Variants in FOXO3B observed in about 807,000 individuals in gnomAD.
FOXO3B encodes forkhead box protein O3B.
In FOXO3B, 15 loss-of-function variants were observed where a neutral mutation model predicts 21.9. The observed-to-expected ratio is 0.68, with a 90% confidence interval of 0.46 to 1.05. The LOEUF is 1.05. FOXO3B is among the 50% of genes least tolerant of loss of function. The pLI, the probability that FOXO3B is intolerant of heterozygous loss-of-function variation, is 0.00. For missense variants in FOXO3B, 293 were observed against 435.5 expected, an observed-to-expected ratio of 0.67 and a Z score of 2.91; for synonymous variants, 135 against 213.6, an observed-to-expected ratio of 0.63 and a Z score of 3.21.
chr17:18,674,905 A>G (rs1312784285), intron 3 of FOXO3B, among the ~76,000 whole-genome samples: 1 of 152,194 alleles, frequency 6.6e-6, no homozygotes, highest in Admixed American at 6.5e-5. Context: ...CATTTACATA[A>G]AAAGCTTGCC....
intron 3 of FOXO3B, among the ~76,000 whole-genome samples, chr17:18,676,263 T>C (rs1034945796): frequency 6.6e-6 from 1 of 152,236 alleles, no homozygotes; most frequent in Non-Finnish European, 1.5e-5. Context: ...ACTCAACTGT[T>C]GGCAGTTCCT....
intron 3 of FOXO3B, among the ~76,000 whole-genome samples, chr17:18,674,622 T>A: frequency 9.7e-6 from 1 of 102,692 alleles, no homozygotes; most frequent in South Asian, 3.5e-4. Flanking sequence ...CGAGACTCCA[T>A]CTCAAAAAAA....
In FOXO3B at chr17:18,672,234, G is replaced by A. The variant is rs2032382853; in HGVS notation, c.*75C>T. The A allele has an allele frequency of 6.2e-7, 1 of 1,612,944 alleles. No individual in the cohort carries two copies. The highest frequency in any genetic ancestry group is 1.1e-5 in the South Asian group (1 of 90,994). On this transcript the variant is annotated 3_prime_UTR_variant, in exon 4 of 4. Transcript: ENST00000395675. This position sits in a 1 kb window ranked among gnomAD's most constrained non-coding sequence, Gnocchi z 4.2. ...CATCAGGGTTGATGATCCACCAAGAGCTCTTGCCAGTTCCCTCATTCTGGA... is the reference window on the plus strand; with the variant it reads ...CATCAGGGTTGATGATCCACCAAGAACTCTTGCCAGTTCCCTCATTCTGGA...
In FOXO3B at chr17:18,668,961, T is replaced by C. The variant is rs2032315715; in HGVS notation, c.*3348A>G. 6.6e-6 allele frequency: 1 copy of C among 152,322 alleles called. No homozygotes were observed. Among genetic ancestry groups the C allele is most frequent in the Non-Finnish European group, 1.5e-5 (1 of 68,024 alleles). 9.4% of individuals were successfully genotyped at this position (152,322 alleles called of 1,614,324 possible). A position where few individuals can be genotyped will look rare whatever the true frequency, so the allele number is the denominator to read the frequency against. On this transcript the variant is annotated 3_prime_UTR_variant, in exon 4 of 4. Transcript: ENST00000395675. ...TAAAAAATTATACATACTTTAAAAATGAAGATTATAAACATGTAGCAGTTT... is the reference window on the plus strand; with the variant it reads ...TAAAAAATTATACATACTTTAAAAACGAAGATTATAAACATGTAGCAGTTT...
In FOXO3B at chr17:18,671,884, T is replaced by A. The variant is rs2032372665; in HGVS notation, c.*425A>T. ...AGGTGACAGGCTCGCTGAGCTGCTGTAGAGCATGGGCGAGAGAGGCGCATC... is the reference window on the plus strand; with the variant it reads ...AGGTGACAGGCTCGCTGAGCTGCTGAAGAGCATGGGCGAGAGAGGCGCATC... On this transcript the variant is annotated 3_prime_UTR_variant, in exon 4 of 4. Transcript: ENST00000395675. 6.2e-7 allele frequency: 1 copy of A among 1,613,464 alleles called. No individual in the cohort carries two copies.
At position 18,676,049 on chromosome 17, in the gene FOXO3B, T is replaced by A. The variant is rs115919230; in HGVS notation, c.127-2994A>T. 3.9e-5 allele frequency among the ~76,000 whole-genome samples: 6 copies of A among 152,188 alleles called. No homozygotes were observed. In the East Asian group the frequency reaches 5.8e-4, roughly 15 times the overall value. On this transcript the variant is annotated intron_variant, in intron 3 of 3. Coordinates refer to ENST00000395675, the MANE Select transcript of FOXO3B (RefSeq NM_001368135.1). ...GTCATAGATTAGTACCTAAAATACA[T>A]GAAGAACTCCACCAAATCAAGAGAA...
chr17:18,678,580 G>GA (rs532587298), intron 3 of FOXO3B, among the ~76,000 whole-genome samples: 2 of 151,628 alleles, frequency 1.3e-5, no homozygotes, highest in Admixed American at 6.6e-5. Flanking sequence ...ATTCTAACAA[G>GA]AAAAAAAGCT....
intron 3 of FOXO3B, 142 bp from the exon 4 acceptor site, chr17:18,673,197 AAC>A (rs2032414256): frequency 6.4e-5 from 77 of 1,198,394 alleles, no homozygotes; most frequent in Non-Finnish European, 8.0e-5. Flanking sequence ...ACTTCTTAAT[AAC>A]ACTTTTTGTT....
rs754601735 is a variant in FOXO3B at position 18,680,761 on chromosome 17, G to A, written c.106C>T (p.Arg36Cys). Residue 36 changes from arginine (R) to cysteine (C), a missense_variant, in exon 3 of 4, where the codon CGC becomes TGC. Arg to Cys is a radical substitution (Grantham distance 180). Transcript: ENST00000395675. The part of the protein sequence containing the change: ...STEEGEVAAL[R>C]LTARSQAAAA... ...CTCACCTGGGATCTGGCCGTGAGGC[G>A]CAGAGCAGCCACTTCTCCCTCTTCT... The A allele has an allele frequency of 6.2e-6, 10 of 1,613,760 alleles. No individual in the cohort carries two copies. The highest frequency in any genetic ancestry group is 4.5e-5 in the East Asian group (2 of 44,896).
In FOXO3B at chr17:18,668,080, C is replaced by T. The variant is rs534389033; in HGVS notation, c.*4229G>A. The T allele has an allele frequency of 6.6e-6, 1 of 152,476 alleles. No individual in the cohort carries two copies. The highest frequency in any genetic ancestry group is 6.5e-5 in the Admixed American group (1 of 15,310). 9.4% of individuals were successfully genotyped at this position (152,476 alleles called of 1,614,324 possible). A position where few individuals can be genotyped will look rare whatever the true frequency, so the allele number is the denominator to read the frequency against. On this transcript the variant is annotated 3_prime_UTR_variant, in exon 4 of 4. Coordinates refer to ENST00000395675, the MANE Select transcript of FOXO3B (RefSeq NM_001368135.1). ...GCTCTGGCAGCACCCCTGCCCACTT[C>T]AGAACCGGGCTAGTCTCTGGGGCCC...
chr17:18,677,439 A>G, intron 3 of FOXO3B: 1 of 1,614,126 alleles, frequency 6.2e-7, no homozygotes, highest in Non-Finnish European at 8.5e-7. Flanking sequence ...GCTGACCATC[A>G]AGTGCCTGCT....
intron 3 of FOXO3B, among the ~76,000 whole-genome samples, chr17:18,679,770 T>G (rs1397792386): frequency 6.6e-6 from 1 of 151,378 alleles, no homozygotes; most frequent in Non-Finnish European, 1.5e-5. Flanking sequence ...AATAAAAGTT[T>G]CAAACATACA....
Position 18,671,174 on chromosome 17 carries a change from C to G in FOXO3B, c.*1135G>C. 1 of 941,810 alleles carries G rather than the reference C, an allele frequency of 1.1e-6. No individual in the cohort carries two copies. Among genetic ancestry groups the G allele is most frequent in the Non-Finnish European group, 1.7e-6 (1 of 576,566 alleles). The allele number at this position is 941,810 out of a possible 1,614,324, so 58.3% of individuals were successfully genotyped here. A position where few individuals can be genotyped will look rare whatever the true frequency, so the allele number is the denominator to read the frequency against. On this transcript the variant is annotated 3_prime_UTR_variant, in exon 4 of 4. Transcript: ENST00000395675. ...ACAAGGAGGAGCCTGAGAGAGAGTC[C>G]GAGAGGGTTTGCATAGACTGGCTGA...
chr17:18,676,815 C>T (rs1468771427), intron 3 of FOXO3B, among the ~76,000 whole-genome samples: 2 of 152,040 alleles, frequency 1.3e-5, no homozygotes, highest in Non-Finnish European at 2.9e-5. Context: ...ATTCTCCTGC[C>T]TCAGCCTCCC....
At chr17:18,678,366 T>A (rs1255046546) in intron 3 of FOXO3B, among the ~76,000 whole-genome samples, 1 of 152,146 alleles carries the variant, frequency 6.6e-6, no homozygotes, top group Non-Finnish European at 1.5e-5. Flanking sequence ...GTATACCATA[T>A]GTCTGAATAC....
rs760847203 is a variant in FOXO3B at position 18,672,876 on chromosome 17, C to A, written c.306G>T (p.Glu102Asp). The A allele has an allele frequency of 7.7e-6, 12 of 1,561,278 alleles. No homozygotes were observed. The highest frequency in any genetic ancestry group is 4.6e-4 in the Middle Eastern group (2 of 4,380). The change falls in exon 4 of 4, where the codon GAG becomes GAT. Residue 102 changes from glutamate to aspartate, a missense_variant. Around this residue, in one of 2 missense-constraint regions of FOXO3B, gnomAD observed 251 missense variants for 404.0 expected, o/e 0.62. Coordinates refer to ENST00000395675, the MANE Select transcript of FOXO3B (RefSeq NM_001368135.1). The surrounding 1 kb of genome is among the most constrained non-coding windows in gnomAD (Gnocchi z 4.2). ...SPAPLSPLEV[E>D]LDPEFEPQSR... is the part of the protein sequence containing the mutation. ...TCTGGGGCTCGAACTCCGGGTCCAGCTCCACTTCGAGCGGAGAAAGCGGGG... is the reference window on the plus strand; with the variant it reads ...TCTGGGGCTCGAACTCCGGGTCCAGATCCACTTCGAGCGGAGAAAGCGGGG...
Position 18,674,642 on chromosome 17 carries a change from G to C in FOXO3B, c.127-1587C>G, listed in dbSNP as rs368674288. On this transcript the variant is annotated intron_variant, in intron 3 of 3. Transcript: ENST00000395675. ...CTCCATCTCAAAAAAAAAAAAAAGG[G>C]GGGGGGGAGATTACAGACAAATGCA... Among the ~76,000 whole-genome samples, 123 of 146,326 alleles carry C rather than the reference G, an allele frequency of 8.4e-4. 2 individuals are homozygous for C. The East Asian group carries it at 0.017, about 20-fold the overall frequency.
At position 18,672,381 on chromosome 17, in the gene FOXO3B, C is replaced by T; in HGVS notation, c.801G>A (p.Gln267=). Residue 267 remains glutamine (Q), a synonymous_variant, in exon 4 of 4, where the codon CAG becomes CAA. Transcript: ENST00000395675. The surrounding 1 kb of genome is among the most constrained non-coding windows in gnomAD (Gnocchi z 4.2). ...SSPDRRLTLS[Q]IYEWMVSCVP... ...CGCAACTCACCATCCACTCGTAGAT[C>T]TGGGACAGAGTGAGCCGTCTGTCCG... 3 of 1,613,408 alleles carry T rather than the reference C, an allele frequency of 1.9e-6. No homozygotes were observed. Among genetic ancestry groups the T allele is most frequent in the Non-Finnish European group, 1.7e-6 (2 of 1,179,628 alleles).
Position 18,671,938 on chromosome 17 carries a change from C to T in FOXO3B, c.*371G>A. 1.2e-6 allele frequency: 2 copies of T among 1,613,660 alleles called. No individual in the cohort carries two copies. Among genetic ancestry groups the T allele is most frequent in the East Asian group, 2.2e-5 (1 of 44,870 alleles). The stretch of plus-strand genomic sequence containing the variant: ...GTCCTGGACTTCATCCAACTCTGTG[C>T]TTGCCATGATGGGCGACAGGCGGCC... On this transcript the variant is annotated 3_prime_UTR_variant, in exon 4 of 4. Coordinates refer to ENST00000395675, the MANE Select transcript of FOXO3B (RefSeq NM_001368135.1).
Sources: allele counts gnomAD v4.1 joint callset (sites outside exome capture counted in the v4.1 genomes callset), GRCh38; gene constraint gnomAD v4.1.1; regional missense constraint gnomAD v4.1.1; non-coding constraint Gnocchi (gnomAD v3.1); transcripts MANE v1.5; gene names NCBI Gene and HGNC (gene_info 2026-07-23, HGNC 2026-07-21).